GABRB1: variants seen among roughly 807,000 people sequenced by gnomAD.
GABRB1 encodes gamma-aminobutyric acid type A receptor subunit beta1.
In GABRB1, 17 loss-of-function variants were observed where a neutral mutation model predicts 51.6. The observed-to-expected ratio is 0.33, with a 90% CI of 0.23 to 0.49. GABRB1 has a LOEUF of 0.49. Ranked by LOEUF, GABRB1 falls within the 20% of genes least tolerant of loss-of-function variation. GABRB1 has a pLI of 0.99. For synonymous variants in GABRB1, 247 were observed against 218.9 expected, an observed-to-expected ratio of 1.13 and a Z score of -1.14; for missense variants, 410 against 600.6, an observed-to-expected ratio of 0.68 and a Z score of 3.32.
chr4:47,135,996 T>C (rs941202361), intron 3 of GABRB1, among the ~76,000 whole-genome samples: 8 of 151,964 alleles, frequency 5.3e-5, no homozygotes, highest in Non-Finnish European at 8.8e-5. Context: ...GTGGGGTTTG[T>C]TTGTTTGTTT....
intron 5 of GABRB1, among the ~76,000 whole-genome samples, chr4:47,385,281 G>A (rs1727750063): frequency 6.6e-6 from 1 of 152,142 alleles, no homozygotes; most frequent in Non-Finnish European, 1.5e-5. Flanking sequence ...TTTGCAAGGA[G>A]TACATGTTTT....
chr4:47,051,831 T>C (rs1239341522), intron 3 of GABRB1, among the ~76,000 whole-genome samples: 1 of 152,106 alleles, frequency 6.6e-6, no homozygotes, highest in East Asian at 1.9e-4. Flanking sequence ...AGTAGTTACA[T>C]ATAAAGCATG....
chr4:47,134,837 T>C (rs772444252), intron 3 of GABRB1, among the ~76,000 whole-genome samples: 2 of 152,100 alleles, frequency 1.3e-5, no homozygotes, highest in African/African-American at 2.4e-5. Flanking sequence ...AATGAGTAGG[T>C]TGGGCACAAT....
At chr4:47,423,906 A>G (rs35796318) in intron 8 of GABRB1, among the ~76,000 whole-genome samples, 15,621 of 152,212 alleles carry the variant, frequency 0.1, 871 homozygotes, top group Middle Eastern at 0.15. Flanking sequence ...AATTACTGAG[A>G]TAAATTACAT....
chr4:47,421,365 C>G (rs2110067384), intron 8 of GABRB1, among the ~76,000 whole-genome samples: 1 of 152,194 alleles, frequency 6.6e-6, no homozygotes, highest in African/African-American at 2.4e-5. Context: ...CTAGCCGATT[C>G]TAAACTCTAG....
Position 47,426,052 on chromosome 4 carries a change from C to A in GABRB1, c.*34C>A. 6.8e-7 allele frequency: 1 copy of A among 1,481,422 alleles called. No individual in the cohort carries two copies. The allele number at this position is 1,481,422 out of a possible 1,614,324, so 91.8% of individuals were successfully genotyped here. A position where few individuals can be genotyped will look rare whatever the true frequency, so the allele number is the denominator to read the frequency against. On this transcript the variant is annotated 3_prime_UTR_variant, in exon 9 of 9. Transcript: ENST00000295454. Reference sequence around the variant, plus strand: ...CTAATGGTTCCATTTAGACTACTTTCCTCTTCTATTGTTTTTTAACCTTAC... The same window carrying A: ...CTAATGGTTCCATTTAGACTACTTTACTCTTCTATTGTTTTTTAACCTTAC...
rs147351153 is a variant in GABRB1 at position 47,122,458 on chromosome 4, G to A, written c.241-38791G>A. The stretch of plus-strand genomic sequence containing the variant: ...AAATATAAAGAATTGTTAACTAGCC[G>A]TAAAGTTGTCAACTGAGCAACTGAA... On this transcript the variant is annotated intron_variant, in intron 3 of 8. Transcript: ENST00000295454. Among the ~76,000 whole-genome samples the A allele has an allele frequency of 8.9e-4, 136 of 152,218 alleles. No individual in the cohort carries two copies. The East Asian group carries it at 0.022, about 25-fold the overall frequency.
At chr4:47,063,721 G>A (rs1249724023) in intron 3 of GABRB1, among the ~76,000 whole-genome samples, 2 of 152,136 alleles carry the variant, frequency 1.3e-5, no homozygotes, top group African/African-American at 4.8e-5. Flanking sequence ...AAAAAGGAAC[G>A]AGATCATGTT....
chr4:47,215,439 G>A (rs1720516704), intron 4 of GABRB1, among the ~76,000 whole-genome samples: 1 of 151,932 alleles, frequency 6.6e-6, no homozygotes, highest in Non-Finnish European at 1.5e-5. Context: ...TGTGTTTAAA[G>A]CGTTCAGGAA....
intron 3 of GABRB1, among the ~76,000 whole-genome samples, chr4:47,123,269 G>T (rs1715867610): frequency 7.1e-6 from 1 of 140,762 alleles, no homozygotes; most frequent in African/African-American, 2.6e-5. Flanking sequence ...ATGTGTGTGT[G>T]TGTATTTATA....
intron 3 of GABRB1, among the ~76,000 whole-genome samples, chr4:47,046,503 A>G (rs949208218): frequency 5.9e-5 from 9 of 152,098 alleles, no homozygotes; most frequent in African/African-American, 2.2e-4. Flanking sequence ...AAGGTAAGTT[A>G]CAAAAAGATA....
intron 5 of GABRB1, among the ~76,000 whole-genome samples, chr4:47,402,776 C>T (rs1024618888): frequency 6.6e-6 from 1 of 152,088 alleles, no homozygotes; most frequent in Non-Finnish European, 1.5e-5. Flanking sequence ...ATAATATTAG[C>T]TATAATCAAA....
chr4:47,309,213 A>G (rs528454456), intron 4 of GABRB1, among the ~76,000 whole-genome samples: 1 of 152,214 alleles, frequency 6.6e-6, no homozygotes, highest in Admixed American at 6.5e-5. Context: ...TGGAACTTTG[A>G]CATGAGCCTG....
At chr4:47,213,123 C>T (rs1720428107) in intron 4 of GABRB1, among the ~76,000 whole-genome samples, 1 of 152,132 alleles carries the variant, frequency 6.6e-6, no homozygotes. Flanking sequence ...GAAACCCACC[C>T]CCATGGTCCT....
intron 5 of GABRB1, among the ~76,000 whole-genome samples, chr4:47,361,530 A>G (rs1454020020): frequency 6.6e-6 from 1 of 152,138 alleles, no homozygotes; most frequent in Admixed American, 6.6e-5. Context: ...TAAAGTGAAC[A>G]GATGTGTACT....
At chr4:47,381,385 T>C (rs573427607) in intron 5 of GABRB1, among the ~76,000 whole-genome samples, 1 of 152,314 alleles carries the variant, frequency 6.6e-6, no homozygotes, top group East Asian at 1.9e-4. Context: ...CTGGTCTTTG[T>C]CTGATCCCTG....
At chr4:47,213,442 C>T (rs1439932396) in intron 4 of GABRB1, among the ~76,000 whole-genome samples, 1 of 151,358 alleles carries the variant, frequency 6.6e-6, no homozygotes, top group Non-Finnish European at 1.5e-5. Flanking sequence ...CTCTCACTCT[C>T]TCTCTCTCTC....
intron 4 of GABRB1, among the ~76,000 whole-genome samples, chr4:47,229,200 C>T (rs2109833533): frequency 6.6e-6 from 1 of 152,168 alleles, no homozygotes; most frequent in East Asian, 1.9e-4. Context: ...CTGATTGAAA[C>T]CTTGCATACT....
At chr4:47,334,647 G>C (rs1021077148) in intron 5 of GABRB1, among the ~76,000 whole-genome samples, 1 of 152,172 alleles carries the variant, frequency 6.6e-6, no homozygotes, top group Admixed American at 6.5e-5. Flanking sequence ...ATTTGACTCT[G>C]TGTCCAGAAA....
Sources: gnomAD v4.1 joint callset for allele counts (sites outside exome capture counted in the v4.1 genomes callset) on GRCh38, gnomAD v4.1.1 for gene constraint, MANE v1.5 for transcripts, NCBI Gene and HGNC (gene_info 2026-07-23, HGNC 2026-07-21) for gene names.